The following TNN variants were observed in gnomAD, a reference collection of about 807,000 sequenced individuals.
TNN encodes the protein tenascin N.
Under a neutral mutation model 134.4 loss-of-function variants are expected in TNN, and 122 were observed. That is an observed-to-expected ratio of 0.91 (90% CI 0.78 to 1.06). The LOEUF is 1.06. Ranked by LOEUF, TNN falls within the 50% of genes least tolerant of loss-of-function variation. The pLI, the probability that TNN is intolerant of heterozygous loss-of-function variation, is 0.00. For synonymous variants in TNN, 710 were observed against 670.3 expected, an observed-to-expected ratio of 1.06 and a Z score of -0.91; for missense variants, 1,739 against 1,699.4, an observed-to-expected ratio of 1.02 and a Z score of -0.41.
intron 9 of TNN, among the ~76,000 whole-genome samples, chr1:175,105,908 C>T (rs1234093951): frequency 6.9e-6 from 1 of 145,916 alleles, no homozygotes; most frequent in East Asian, 2.3e-4. Context: ...TTCACCAATG[C>T]AGCAGCAGAA....
chr1:175,080,523 G>A (rs1196920829), intron 4 of TNN, 97 bp downstream of exon 4: 28 of 1,472,120 alleles, frequency 1.9e-5, no homozygotes, highest in South Asian at 5.2e-5. Flanking sequence ...CTTGATTAGG[G>A]GTTTGAAAAA....
At chr1:175,109,913 T>G (rs938662348) in intron 9 of TNN, among the ~76,000 whole-genome samples, 6 of 152,020 alleles carry the variant, frequency 3.9e-5, no homozygotes, top group Non-Finnish European at 7.4e-5. Context: ...TATTTTTAGT[T>G]TTTTGAGGAA....
At chr1:175,095,500 C>G (rs879379779) in intron 7 of TNN, among the ~76,000 whole-genome samples, 1 of 152,194 alleles carries the variant, frequency 6.6e-6, no homozygotes, top group Non-Finnish European at 1.5e-5. Flanking sequence ...TTACATTACA[C>G]GTGACTCTCT....
At chr1:175,135,984 T>C (rs1206152077) in intron 16 of TNN, 43 bp downstream of exon 16, 7 of 1,425,590 alleles carry the variant, frequency 4.9e-6, no homozygotes, top group Middle Eastern at 4.6e-4. Flanking sequence ...TGGGGGGTGA[T>C]TTCTCCCAGG....
At chr1:175,096,181 G>C (rs1163757663) in intron 7 of TNN, among the ~76,000 whole-genome samples, 2 of 152,226 alleles carry the variant, frequency 1.3e-5, no homozygotes, top group African/African-American at 4.8e-5. Context: ...GACAGGATAG[G>C]GGTCATGCAG....
chr1:175,123,629 G>A lies in TNN; in HGVS notation c.2880G>A (p.Gln960=). Residue 960 remains glutamine, a synonymous_variant, in exon 12 of 19, where the codon CAG becomes CAA. Transcript: ENST00000239462. ...ACGTGTGGGCCCAGAAGGGGGCCCA[G>A]GAGAGCAAGAAGGCTGACACCAAGG... ...MVHVWAQKGA[Q]ESKKADTKAQ... 6.2e-7 allele frequency: 1 copy of A among 1,614,198 alleles called. No individual in the cohort carries two copies. Among genetic ancestry groups the A allele is most frequent in the Non-Finnish European group, 8.5e-7 (1 of 1,180,042 alleles).
intron 3 of TNN, 120 bp from the exon 4 acceptor site, chr1:175,080,043 T>A: frequency 7.4e-7 from 1 of 1,355,186 alleles, no homozygotes; most frequent in East Asian, 2.3e-5. Context: ...GGGTCGGGAA[T>A]GGCGCCTTAC....
intron 17 of TNN, among the ~76,000 whole-genome samples, chr1:175,141,204 G>A (rs1675937412): frequency 6.6e-6 from 1 of 152,202 alleles, no homozygotes; most frequent in South Asian, 2.1e-4. Flanking sequence ...CTTCTAGTGG[G>A]GGCAGGGAGG....
At chr1:175,116,352 G>T (rs1335861739) in intron 9 of TNN, among the ~76,000 whole-genome samples, 1 of 152,086 alleles carries the variant, frequency 6.6e-6, no homozygotes, top group Non-Finnish European at 1.5e-5. Flanking sequence ...AAGCCCCTTT[G>T]CTACATATCA....
chr1:175,075,781 G>A (rs1416990489), intron 1 of TNN, among the ~76,000 whole-genome samples: 1 of 152,290 alleles, frequency 6.6e-6, no homozygotes, highest in African/African-American at 2.4e-5. Context: ...ACAAGGAGGC[G>A]GAGGCTCAGG....
At chr1:175,076,084 G>T (rs2149425726) in intron 1 of TNN, among the ~76,000 whole-genome samples, 1 of 152,304 alleles carries the variant, frequency 6.6e-6, no homozygotes, top group East Asian at 1.9e-4. Flanking sequence ...TGAGCAAAAT[G>T]TGAGGTGAAA....
At chr1:175,143,911 G>C (rs1675998155) in intron 17 of TNN, among the ~76,000 whole-genome samples, 1 of 137,366 alleles carries the variant, frequency 7.3e-6, no homozygotes, top group Non-Finnish European at 1.6e-5. Context: ...TGGCTGTCAT[G>C]GGAGCAGAGA....
intron 12 of TNN, among the ~76,000 whole-genome samples, chr1:175,125,214 C>A (rs962467685): frequency 5.3e-5 from 8 of 152,314 alleles, no homozygotes; most frequent in African/African-American, 1.9e-4. Flanking sequence ...TGTCTGATTT[C>A]TATTAAAATA....
intron 6 of TNN, among the ~76,000 whole-genome samples, chr1:175,090,200 G>C (rs1379814079): frequency 6.6e-6 from 1 of 152,304 alleles, no homozygotes; most frequent in South Asian, 2.1e-4. Context: ...CAGCTAGCTG[G>C]TACAACTTAG....
chr1:175,130,534 C>T (rs1247849936), intron 15 of TNN, among the ~76,000 whole-genome samples: 1 of 152,178 alleles, frequency 6.6e-6, no homozygotes, highest in African/African-American at 2.4e-5. Flanking sequence ...AATTTCCTGC[C>T]TTTGTGCCTG....
intron 15 of TNN, among the ~76,000 whole-genome samples, chr1:175,131,450 C>A (rs1675671598): frequency 6.6e-6 from 1 of 151,992 alleles, no homozygotes; most frequent in South Asian, 2.1e-4. Context: ...GTTTTTCTCC[C>A]TTTGAAACTT....
intron 9 of TNN, among the ~76,000 whole-genome samples, chr1:175,104,892 T>C (rs1674811857): frequency 6.9e-6 from 1 of 145,856 alleles, no homozygotes; most frequent in Non-Finnish European, 1.5e-5. Context: ...GTGGATATCA[T>C]TGAATAATTC....
At chr1:175,120,362 G>A (rs1467320702) in intron 11 of TNN, among the ~76,000 whole-genome samples, 25 of 152,244 alleles carry the variant, frequency 1.6e-4, no homozygotes, top group Admixed American at 1.6e-3. Flanking sequence ...AGGATGTCTT[G>A]CAGATGGGAA....
intron 15 of TNN, among the ~76,000 whole-genome samples, chr1:175,129,525 T>G (rs1012950263): frequency 2.0e-5 from 3 of 151,108 alleles, no homozygotes; most frequent in Admixed American, 6.6e-5. Flanking sequence ...GGCTTGTGAG[T>G]TGATCATCAT....
Sources: allele counts gnomAD v4.1 joint callset (sites outside exome capture counted in the v4.1 genomes callset), GRCh38; gene constraint gnomAD v4.1.1; transcripts MANE v1.5; gene names NCBI Gene and HGNC (gene_info 2026-07-23, HGNC 2026-07-21).